The following NAV2 variants were observed in gnomAD, a reference collection of about 807,000 sequenced individuals.
The protein encoded by NAV2 is helicase, APC down-regulated 1.
A neutral mutation model predicts 223.2 loss-of-function variants in NAV2; 54 were observed. That is an observed-to-expected ratio of 0.24 (90% confidence interval 0.19 to 0.30). The LOEUF (loss-of-function observed/expected upper bound fraction) is 0.30, where lower values mean the gene tolerates loss of function less well. Among genes scored for constraint, NAV2 ranks in the 10% least tolerant of loss-of-function variants. The probability of loss-of-function intolerance (pLI) is 1.00; values close to 1 mark genes in which losing one functional copy is unlikely to be tolerated. For synonymous variants in NAV2, 1,279 were observed against 1,239.3 expected (o/e 1.03, Z -0.67); for missense variants, 2,806 against 3,147.5 (o/e 0.89, Z 2.60).
chr11:19,620,616 C>T (rs4553346), intron 1 of NAV2, among the ~76,000 whole-genome samples: 141,212 of 152,160 alleles, frequency 0.93, 66,078 homozygotes, highest in Non-Finnish European at 1. Context: ...ATTTTGTATC[C>T]TGAGACTTTG....
chr11:19,878,923 CTTT>C (rs1193826446), intron 4 of NAV2, among the ~76,000 whole-genome samples: 2 of 152,180 alleles, frequency 1.3e-5, no homozygotes, highest in African/African-American at 4.8e-5. Context: ...TCACGTCTGC[CTTT>C]TCCCCCTTGC....
intron 26 of NAV2, among the ~76,000 whole-genome samples, chr11:20,086,481 A>G (rs1592073297): frequency 1.3e-5 from 2 of 152,216 alleles, no homozygotes. Flanking sequence ...AGTGCTCCCC[A>G]TGGTCCCTTT....
At chr11:20,034,360 T>G (rs2056120433) in intron 11 of NAV2, among the ~76,000 whole-genome samples, 2 of 64,604 alleles carry the variant, frequency 3.1e-5, no homozygotes, top group African/African-American at 8.9e-5. Flanking sequence ...AGTTTTTTTT[T>G]TGTTTTTTTT....
At chr11:19,831,056 C>T (rs1469766513) in intron 1 of NAV2, among the ~76,000 whole-genome samples, 2 of 151,864 alleles carry the variant, frequency 1.3e-5, no homozygotes. Context: ...TGGACAGGTG[C>T]TACAGCTCTC....
In NAV2 at chr11:20,084,320, A is replaced by T. The variant is rs56775556; in HGVS notation, c.5498+1141A>T. Among the ~76,000 whole-genome samples, 419 of 151,914 alleles carry T rather than the reference A, an allele frequency of 2.8e-3. 3 individuals carry two copies. The highest frequency in any genetic ancestry group is 9.9e-3 in the African/African-American group (411 of 41,430). ...ACCGTATTGGTCAATCTGGTCTCGAACTCCTGACCTCAGGTGATCCACCTG... is the reference window on the plus strand; with the variant it reads ...ACCGTATTGGTCAATCTGGTCTCGATCTCCTGACCTCAGGTGATCCACCTG... On this transcript the variant is annotated intron_variant, in intron 26 of 37. Coordinates refer to ENST00000349880, the MANE Select transcript of NAV2 (RefSeq NM_145117.5).
intron 36 of NAV2, among the ~76,000 whole-genome samples, chr11:20,112,125 A>G (rs1185014465): frequency 6.6e-6 from 1 of 152,216 alleles, no homozygotes; most frequent in Non-Finnish European, 1.5e-5. Flanking sequence ...AAACTTCTCA[A>G]AATTGCACAA....
chr11:19,868,858 CTCA>C (rs1794538719), intron 3 of NAV2, 64 bp from the exon 4 acceptor site: 4 of 1,509,986 alleles, frequency 2.6e-6, no homozygotes, highest in Non-Finnish European at 2.7e-6. Flanking sequence ...CCCATTGTTC[CTCA>C]TAAGAGATGG....
intron 1 of NAV2, among the ~76,000 whole-genome samples, chr11:19,645,730 C>T (rs753341630): frequency 2.0e-5 from 3 of 151,998 alleles, no homozygotes; most frequent in Non-Finnish European, 2.9e-5. Flanking sequence ...GGTGCAAAAG[C>T]AATTGCGTTT....
intron 10 of NAV2, among the ~76,000 whole-genome samples, chr11:19,982,941 TGACGTAGCTCAGCTGACCCTGTTTCA>T (rs1220102035): frequency 1.3e-5 from 2 of 152,240 alleles, no homozygotes; most frequent in African/African-American, 2.4e-5. Context: ...AAGCTTTCCA[TGACGTAGCTCAGCTGACCCTGTTTCA>T]GAAAAATAAT....
At chr11:19,661,247 G>T (rs1252240313) in intron 1 of NAV2, among the ~76,000 whole-genome samples, 1 of 152,080 alleles carries the variant, frequency 6.6e-6, no homozygotes, top group Non-Finnish European at 1.5e-5. Flanking sequence ...TGTCTTTAAG[G>T]CTCATCTATG....
chr11:19,663,902 G>A (rs763851957), intron 1 of NAV2, among the ~76,000 whole-genome samples: 2 of 152,124 alleles, frequency 1.3e-5, no homozygotes, highest in Non-Finnish European at 2.9e-5. Flanking sequence ...GATGACAACC[G>A]TGTAGCATGT....
At chr11:19,627,840 C>T (rs1565045) in intron 1 of NAV2, among the ~76,000 whole-genome samples, 19,587 of 150,698 alleles carry the variant, frequency 0.13, 3,599 homozygotes, top group African/African-American at 0.41. Flanking sequence ...TAGTTCTAAT[C>T]CGACATATAC....
chr11:19,984,835 A>G lies in NAV2; in HGVS notation c.2768+588A>G, dbSNP rs561838313. On this transcript the variant is annotated intron_variant, in intron 11 of 37. Coordinates refer to ENST00000349880, the MANE Select transcript of NAV2 (RefSeq NM_145117.5). ...AATACTGTGGTAATAAAAGAGGACT[A>G]TTTGGCCTCCAGGTTCTAGTTCTTA... is the stretch of plus-strand genomic sequence containing the variant. Among the ~76,000 whole-genome samples the G allele has an allele frequency of 6.6e-5, 10 of 152,346 alleles. No individual in the cohort carries two copies. In the South Asian group the frequency reaches 1.9e-3, roughly 28 times the overall value.
chr11:19,966,916 C>T (rs980471178), intron 10 of NAV2, among the ~76,000 whole-genome samples: 3 of 152,038 alleles, frequency 2.0e-5, no homozygotes, highest in African/African-American at 4.8e-5. Context: ...GTAATATGAG[C>T]GGAATGAAAA....
At chr11:19,465,513 C>A (rs1380221302) in intron 1 of NAV2, among the ~76,000 whole-genome samples, 3 of 152,152 alleles carry the variant, frequency 2.0e-5, no homozygotes, top group Non-Finnish European at 2.9e-5. Context: ...ATTTCCAATT[C>A]ATGATGAAAG....
At chr11:20,057,160 A>T (rs1457790453) in intron 19 of NAV2, among the ~76,000 whole-genome samples, 1 of 152,166 alleles carries the variant, frequency 6.6e-6, no homozygotes, top group Non-Finnish European at 1.5e-5. Flanking sequence ...GTAGGGAAAA[A>T]GGGCCAGCAT....
intron 3 of NAV2, 136 bp from the exon 4 acceptor site, chr11:19,868,788 CA>C (rs2062262840): frequency 5.4e-6 from 4 of 736,010 alleles, no homozygotes; most frequent in East Asian, 2.9e-5. Context: ...CAAGTACAGA[CA>C]AAAGAGAGTG....
At chr11:19,670,930 G>A (rs767653789) in intron 1 of NAV2, among the ~76,000 whole-genome samples, 8 of 152,206 alleles carry the variant, frequency 5.3e-5, no homozygotes, top group African/African-American at 1.2e-4. Flanking sequence ...GCAGCTAAGG[G>A]AGGAGCTCCT....
At chr11:19,637,131 C>A (rs1367628034) in intron 1 of NAV2, among the ~76,000 whole-genome samples, 1 of 152,156 alleles carries the variant, frequency 6.6e-6, no homozygotes. Flanking sequence ...CATAAGCTTG[C>A]CACAGCCTGG....
Sources: gnomAD v4.1 joint callset for allele counts (sites outside exome capture counted in the v4.1 genomes callset) on GRCh38, gnomAD v4.1.1 for gene constraint, MANE v1.5 for transcripts, NCBI Gene and HGNC (gene_info 2026-07-23, HGNC 2026-07-21) for gene names.